MBD5: variants seen among roughly 807,000 people sequenced by gnomAD.
MBD5 encodes the protein methyl-CpG binding domain protein 5.
Under a neutral mutation model 117.3 loss-of-function variants are expected in MBD5, and 13 were observed. The observed-to-expected ratio is 0.11, with a 90% CI of 0.07 to 0.18. The LOEUF (loss-of-function observed/expected upper bound fraction) is 0.18. MBD5 is among the 10% of genes least tolerant of loss of function. The pLI, the probability that MBD5 is intolerant of heterozygous loss-of-function variation, is 1.00. For synonymous variants in MBD5, 727 were observed against 766.4 expected, an observed-to-expected ratio of 0.95 and a Z score of 0.85; for missense variants, 1,879 against 2,093.8, an observed-to-expected ratio of 0.90 and a Z score of 2.00.
intron 3 of MBD5, among the ~76,000 whole-genome samples, chr2:148,331,658 C>G (rs1456904970): frequency 6.6e-6 from 1 of 151,796 alleles, no homozygotes; most frequent in Non-Finnish European, 1.5e-5. Flanking sequence ...CTTAAATATG[C>G]TAAAACATGT....
chr2:148,325,992 T>C (rs1450973386), intron 3 of MBD5, among the ~76,000 whole-genome samples: 1 of 152,190 alleles, frequency 6.6e-6, no homozygotes, highest in Admixed American at 6.5e-5. Context: ...AATTTCCCTC[T>C]ACATACTGCT....
intron 1 of MBD5, among the ~76,000 whole-genome samples, chr2:148,140,450 C>T (rs537028127): frequency 6.6e-6 from 1 of 152,118 alleles, no homozygotes; most frequent in East Asian, 1.9e-4. Context: ...TGCATTTTGC[C>T]ATCCCATGTA....
chr2:148,484,212 A>G (rs1681262861), intron 9 of MBD5, 77 bp downstream of exon 9: 27 of 1,212,038 alleles, frequency 2.2e-5, no homozygotes, highest in Non-Finnish European at 2.9e-5. Flanking sequence ...TAAAAACTCC[A>G]TTTTGTCACA....
At chr2:148,419,894 G>A (rs1705545951) in intron 4 of MBD5, among the ~76,000 whole-genome samples, 1 of 151,998 alleles carries the variant, frequency 6.6e-6, no homozygotes, top group Non-Finnish European at 1.5e-5. Flanking sequence ...TCTAATTCCA[G>A]ATAAACATCT....
intron 8 of MBD5, among the ~76,000 whole-genome samples, chr2:148,482,175 T>C (rs1451103775): frequency 6.6e-6 from 1 of 152,162 alleles, no homozygotes; most frequent in Admixed American, 6.5e-5. Flanking sequence ...CTAAAATATG[T>C]AAACCCTTTT....
At chr2:148,210,323 A>G (rs1460736772) in intron 2 of MBD5, among the ~76,000 whole-genome samples, 8 of 152,056 alleles carry the variant, frequency 5.3e-5, no homozygotes, top group Non-Finnish European at 1.0e-4. Context: ...TTAAGGATGT[A>G]CCATTTAGAA....
intron 1 of MBD5, among the ~76,000 whole-genome samples, chr2:148,084,230 A>T (rs189518547): frequency 6.6e-6 from 1 of 152,268 alleles, no homozygotes; most frequent in East Asian, 1.9e-4. Flanking sequence ...CTGTTCTCCT[A>T]CGGGGATGCC....
intron 1 of MBD5, among the ~76,000 whole-genome samples, chr2:148,038,306 A>G (rs1246949475): frequency 6.6e-6 from 1 of 151,994 alleles, no homozygotes; most frequent in African/African-American, 2.4e-5. Context: ...AGCATTTACT[A>G]AATCTTTCAG....
intron 3 of MBD5, among the ~76,000 whole-genome samples, chr2:148,258,717 T>C (rs1320176615): frequency 1.3e-5 from 2 of 152,190 alleles, no homozygotes; most frequent in African/African-American, 2.4e-5. Flanking sequence ...TAAGAGTACT[T>C]CATTGGGCTG....
At chr2:148,331,243 T>C (rs1054147234) in intron 3 of MBD5, among the ~76,000 whole-genome samples, 1 of 152,188 alleles carries the variant, frequency 6.6e-6, no homozygotes, top group Non-Finnish European at 1.5e-5. Context: ...TTTATGCTTT[T>C]TTAAATTTAT....
intron 11 of MBD5, among the ~76,000 whole-genome samples, chr2:148,494,417 TA>T (rs910804869): frequency 4.6e-5 from 7 of 151,092 alleles, no homozygotes; most frequent in Non-Finnish European, 1.0e-4. Flanking sequence ...TCAATGTTTC[TA>T]AAAAAAAACA....
chr2:148,388,798 A>G (rs2105506960), intron 4 of MBD5, among the ~76,000 whole-genome samples: 1 of 152,294 alleles, frequency 6.6e-6, no homozygotes, highest in East Asian at 1.9e-4. Flanking sequence ...CTGGATTGGA[A>G]CCACACCATT....
chr2:148,459,236 G>T (rs946032697), intron 5 of MBD5, among the ~76,000 whole-genome samples: 1 of 151,910 alleles, frequency 6.6e-6, no homozygotes, highest in African/African-American at 2.4e-5. Flanking sequence ...TGGCTTTTTT[G>T]ATAAAATTGA....
At chr2:148,411,512 C>CTTTT (rs1188326755) in intron 4 of MBD5, among the ~76,000 whole-genome samples, 6,567 of 95,786 alleles carry the variant, frequency 0.069, 4 homozygotes, top group Non-Finnish European at 0.088. Context: ...AGCATCTGTT[C>CTTTT]TTTTTTTTTT....
At position 148,398,224 on chromosome 2, in the gene MBD5, G is replaced by A. The variant is rs373547080; in HGVS notation, c.-557+55888G>A. ...TCTAGTTCTAGATCCCTGAGGAATCGCCACACTGACTTCCACAATGGTTGA... is the reference window on the plus strand; with the variant it reads ...TCTAGTTCTAGATCCCTGAGGAATCACCACACTGACTTCCACAATGGTTGA... On this transcript the variant is annotated intron_variant, in intron 4 of 13. Coordinates refer to ENST00000642680, the MANE Select transcript of MBD5 (RefSeq NM_001378120.1). 5.6e-3 allele frequency among the ~76,000 whole-genome samples: 851 copies of A among 152,196 alleles called. 8 individuals are homozygous for A. The highest frequency in any genetic ancestry group is 0.02 in the African/African-American group (818 of 41,526).
chr2:148,146,670 A>T (rs1025571465), intron 1 of MBD5, among the ~76,000 whole-genome samples: 2 of 152,100 alleles, frequency 1.3e-5, no homozygotes, highest in Non-Finnish European at 1.5e-5. Flanking sequence ...GGAGCTATTT[A>T]AAAAAATTAT....
chr2:148,269,952 T>A (rs77331097), intron 3 of MBD5, among the ~76,000 whole-genome samples: 2,865 of 152,174 alleles, frequency 0.019, 92 homozygotes, highest in African/African-American at 0.065. Context: ...ACTTATTGTA[T>A]TTAGCAATCA....
In MBD5 at chr2:148,514,175, T is replaced by A. The variant is rs1257682046; in HGVS notation, c.*1234T>A. 1 of 152,172 alleles carries A rather than the reference T, an allele frequency of 6.6e-6. No individual in the cohort carries two copies. The highest frequency in any genetic ancestry group is 1.9e-4 in the East Asian group (1 of 5,202). The allele number at this position is 152,172 out of a possible 1,614,324, so 9.4% of individuals were successfully genotyped here. ...ACCATTAACAGATTCTTATATATATTAATGTGGCAAAAATGTGCAGGTTAA... is the reference window on the plus strand; with the variant it reads ...ACCATTAACAGATTCTTATATATATAAATGTGGCAAAAATGTGCAGGTTAA... On this transcript the variant is annotated 3_prime_UTR_variant, in exon 14 of 14. Transcript: ENST00000642680.
At chr2:148,352,977 T>A (rs1037467943) in intron 4 of MBD5, among the ~76,000 whole-genome samples, 1 of 152,076 alleles carries the variant, frequency 6.6e-6, no homozygotes, top group Non-Finnish European at 1.5e-5. Context: ...GGAGAAAGCA[T>A]ATGTAAAATT....
Sources: allele counts gnomAD v4.1 joint callset (sites outside exome capture counted in the v4.1 genomes callset), GRCh38; gene constraint gnomAD v4.1.1; transcripts MANE v1.5; gene names NCBI Gene and HGNC (gene_info 2026-07-23, HGNC 2026-07-21).